Variants in CNTNAP2 observed in about 807,000 individuals in gnomAD.
CNTNAP2 encodes the protein contactin associated protein 2, also known as contactin-associated protein-like 2.
CNTNAP2 carries 98 observed loss-of-function variants against 155.2 expected under a neutral mutation model. That is an observed-to-expected ratio of 0.63 (90% CI 0.54 to 0.75). CNTNAP2 has a LOEUF of 0.75. CNTNAP2 is among the 30% of genes least tolerant of loss of function. The pLI is 0.00. For missense variants in CNTNAP2, 1,727 were observed against 1,688.1 expected, an observed-to-expected ratio of 1.02 and a Z score of -0.40; for synonymous variants, 651 against 631.2, an observed-to-expected ratio of 1.03 and a Z score of -0.47.
At chr7:147,055,875 G>A (rs927257407) in intron 4 of CNTNAP2, among the ~76,000 whole-genome samples, 8 of 152,190 alleles carry the variant, frequency 5.3e-5, no homozygotes, top group Non-Finnish European at 1.5e-5. Flanking sequence ...CAGGAACAAA[G>A]TTGGGAGGGG....
chr7:146,368,640 T>C (rs1242551731), intron 1 of CNTNAP2, among the ~76,000 whole-genome samples: 1 of 152,160 alleles, frequency 6.6e-6, no homozygotes, highest in East Asian at 1.9e-4. Context: ...CCTTACATGA[T>C]ACTAATGTAG....
chr7:147,413,588 C>T (rs917776328), intron 10 of CNTNAP2, among the ~76,000 whole-genome samples: 2 of 152,076 alleles, frequency 1.3e-5, no homozygotes, highest in Non-Finnish European at 1.5e-5. Context: ...AAGAATAAAT[C>T]AATATTTTTT....
At chr7:146,402,783 C>T (rs1795732194) in intron 1 of CNTNAP2, among the ~76,000 whole-genome samples, 1 of 152,060 alleles carries the variant, frequency 6.6e-6, no homozygotes, top group Non-Finnish European at 1.5e-5. Context: ...TTACTTAAAA[C>T]TTTGGCAGAT....
intron 2 of CNTNAP2, among the ~76,000 whole-genome samples, chr7:146,791,785 C>T (rs1328978085): frequency 2.6e-5 from 4 of 152,150 alleles, no homozygotes; most frequent in African/African-American, 4.8e-5. Flanking sequence ...GCCTGAAATA[C>T]GTTAATCAGC....
intron 1 of CNTNAP2, among the ~76,000 whole-genome samples, chr7:146,718,542 A>G (rs1801230950): frequency 6.6e-6 from 1 of 152,162 alleles, no homozygotes; most frequent in Non-Finnish European, 1.5e-5. Flanking sequence ...GTCCCATTTT[A>G]TCCTCACTTA....
intron 18 of CNTNAP2, among the ~76,000 whole-genome samples, chr7:148,193,716 T>A (rs937343402): frequency 6.6e-6 from 1 of 152,120 alleles, no homozygotes; most frequent in Non-Finnish European, 1.5e-5. Flanking sequence ...ACACTCCTTA[T>A]CTGACCTTAC....
At chr7:146,426,123 C>T (rs546996976) in intron 1 of CNTNAP2, among the ~76,000 whole-genome samples, 19 of 140,242 alleles carry the variant, frequency 1.4e-4, no homozygotes, top group African/African-American at 4.9e-4. Context: ...GAGGCGGAGG[C>T]TGCAGCGAGC....
At chr7:147,017,019 TA>T (rs1798736825) in intron 3 of CNTNAP2, among the ~76,000 whole-genome samples, 1 of 148,672 alleles carries the variant, frequency 6.7e-6, no homozygotes. Context: ...AATATGTTAG[TA>T]ATTTAAGCTA....
chr7:146,877,877 A>G (rs1795461890), intron 3 of CNTNAP2, among the ~76,000 whole-genome samples: 1 of 152,138 alleles, frequency 6.6e-6, no homozygotes, highest in South Asian at 2.1e-4. Flanking sequence ...TATTTTCACT[A>G]AATCAAGTAA....
At chr7:147,607,415 T>C (rs1443554380) in intron 12 of CNTNAP2, among the ~76,000 whole-genome samples, 1 of 150,460 alleles carries the variant, frequency 6.6e-6, no homozygotes, top group Non-Finnish European at 1.5e-5. Flanking sequence ...TTCCTTTCTC[T>C]CTCTCTCTCT....
At chr7:147,117,947 C>T (rs1409747803) in intron 5 of CNTNAP2, among the ~76,000 whole-genome samples, 1 of 151,904 alleles carries the variant, frequency 6.6e-6, no homozygotes, top group Admixed American at 6.6e-5. Context: ...ATAAAAGTAA[C>T]ATTAAAATGC....
intron 4 of CNTNAP2, among the ~76,000 whole-genome samples, chr7:147,050,433 T>C (rs763387944): frequency 6.6e-6 from 1 of 152,166 alleles, no homozygotes; most frequent in Non-Finnish European, 1.5e-5. Flanking sequence ...CGAAACTAAT[T>C]TTTATATAGG....
chr7:147,869,513 C>A (rs760671458), intron 13 of CNTNAP2, among the ~76,000 whole-genome samples: 1 of 152,130 alleles, frequency 6.6e-6, no homozygotes, highest in African/African-American at 2.4e-5. Context: ...AATGAATCAA[C>A]CCTGGAAGAG....
At chr7:146,597,023 CT>C (rs1233237886) in intron 1 of CNTNAP2, among the ~76,000 whole-genome samples, 1 of 151,958 alleles carries the variant, frequency 6.6e-6, no homozygotes, top group African/African-American at 2.4e-5. Flanking sequence ...ATCCAAGATA[CT>C]TTCAAAAATA....
intron 11 of CNTNAP2, among the ~76,000 whole-genome samples, chr7:147,534,474 C>A (rs1469864998): frequency 1.3e-5 from 2 of 152,152 alleles, no homozygotes; most frequent in Non-Finnish European, 2.9e-5. Context: ...AGTACCCTTA[C>A]ACGGAACAGG....
At chr7:148,039,008 T>A (rs898552299) in intron 15 of CNTNAP2, among the ~76,000 whole-genome samples, 2 of 152,206 alleles carry the variant, frequency 1.3e-5, no homozygotes, top group African/African-American at 4.8e-5. Context: ...ATAGAAGATA[T>A]ACATCTGTAT....
intron 1 of CNTNAP2, among the ~76,000 whole-genome samples, chr7:146,687,751 A>G (rs181955301): frequency 1.3e-5 from 2 of 152,322 alleles, no homozygotes; most frequent in East Asian, 1.9e-4. Context: ...GGAGATGACA[A>G]TGCAACCAGG....
chr7:147,408,333 G>A (rs1342371341), intron 10 of CNTNAP2, among the ~76,000 whole-genome samples: 1 of 152,228 alleles, frequency 6.6e-6, no homozygotes, highest in Non-Finnish European at 1.5e-5. Context: ...ATTCCAGGGA[G>A]CTGGAAAGTA....
At chr7:147,509,980 T>G (rs1202481946) in intron 11 of CNTNAP2, among the ~76,000 whole-genome samples, 3 of 152,080 alleles carry the variant, frequency 2.0e-5, no homozygotes, top group Admixed American at 2.0e-4. Flanking sequence ...TAAATTGTAT[T>G]TTATTTGATG....
Sources: gnomAD v4.1 joint callset for allele counts (sites outside exome capture counted in the v4.1 genomes callset) on GRCh38, gnomAD v4.1.1 for gene constraint, MANE v1.5 for transcripts, NCBI Gene and HGNC (gene_info 2026-07-23, HGNC 2026-07-21) for gene names.